The following RFX3 variants were observed in gnomAD, a reference collection of about 807,000 sequenced individuals.
The protein encoded by RFX3 is regulatory factor X3.
A neutral mutation model predicts 98.6 loss-of-function variants in RFX3; 14 were observed. That is an observed-to-expected ratio of 0.14 (90% CI 0.09 to 0.22). The LOEUF (loss-of-function observed/expected upper bound fraction) is 0.22, where lower values mean the gene tolerates loss of function less well. RFX3 is among the 10% of genes least tolerant of loss of function. The pLI, the probability that RFX3 is intolerant of heterozygous loss-of-function variation, is 1.00. For missense variants in RFX3, 639 were observed against 926.9 expected, an observed-to-expected ratio of 0.69 and a Z score of 4.03; for synonymous variants, 383 against 328.4, an observed-to-expected ratio of 1.17 and a Z score of -1.80.
At chr9:3,467,957 G>T (rs1848462316) in intron 1 of RFX3, among the ~76,000 whole-genome samples, 1 of 152,230 alleles carries the variant, frequency 6.6e-6, no homozygotes, top group African/African-American at 2.4e-5. Flanking sequence ...TTCTGGGTAT[G>T]TGTCATGGGA....
intron 2 of RFX3, among the ~76,000 whole-genome samples, chr9:3,355,162 A>G (rs1448274031): frequency 6.6e-6 from 1 of 151,936 alleles, no homozygotes; most frequent in African/African-American, 2.4e-5. Flanking sequence ...AATAAAGGAA[A>G]TAAAAGAACA....
At chr9:3,267,086 T>C (rs1257638983) in intron 11 of RFX3, among the ~76,000 whole-genome samples, 2 of 151,996 alleles carry the variant, frequency 1.3e-5, no homozygotes, top group African/African-American at 4.8e-5. Context: ...ACTATGACTA[T>C]TTTATAAGAA....
At chr9:3,419,601 C>T (rs904898230) in intron 1 of RFX3, among the ~76,000 whole-genome samples, 3 of 152,080 alleles carry the variant, frequency 2.0e-5, no homozygotes, top group Admixed American at 2.0e-4. Flanking sequence ...GAACTAAGTG[C>T]ATGATTAAAT....
intron 2 of RFX3, among the ~76,000 whole-genome samples, chr9:3,352,164 C>G (rs552387186): frequency 6.6e-6 from 1 of 151,750 alleles, no homozygotes. Flanking sequence ...TGTTGTGGAA[C>G]AATACTTATT....
At chr9:3,426,183 T>C (rs914606877) in intron 1 of RFX3, among the ~76,000 whole-genome samples, 15 of 152,162 alleles carry the variant, frequency 9.9e-5, no homozygotes, top group African/African-American at 3.6e-4. Flanking sequence ...ACTGAAAAAT[T>C]CAGTCATAAT....
At position 3,277,518 on chromosome 9, in the gene RFX3, A is replaced by G. The variant is rs1045673376; in HGVS notation, c.852-57T>C. The G allele has an allele frequency of 4.6e-5, 66 of 1,435,086 alleles. No homozygotes were observed. The South Asian group carries it at 7.3e-4, about 16-fold the overall frequency. 88.9% of individuals were successfully genotyped at this position (1,435,086 alleles called of 1,614,324 possible). A position where few individuals can be genotyped will look rare whatever the true frequency, so the allele number is the denominator to read the frequency against. ...ACCAAATTATTCCTTGCTTTTTTGT[A>G]CTACCCGAAACTCCCAAAGCATTCA... On this transcript the variant is annotated intron_variant, in intron 7 of 16. Transcript: ENST00000617270.
At chr9:3,418,387 G>GT (rs568542750) in intron 1 of RFX3, among the ~76,000 whole-genome samples, 378 of 150,296 alleles carry the variant, frequency 2.5e-3, no homozygotes, top group Middle Eastern at 3.4e-3. Flanking sequence ...TTTTGTTTTT[G>GT]TTTTTTTTTG....
Position 3,427,371 on chromosome 9 carries a change from TG to T in RFX3, c.-8-31776del, listed in dbSNP as rs562755667. On this transcript the variant is annotated intron_variant, in intron 1 of 16. Coordinates refer to ENST00000617270, the MANE Select transcript of RFX3 (RefSeq NM_001282116.2). ...CATAATACTATATATAAATATATATTGTTATTATATAATAATACAATATATA... is the reference window on the plus strand; with the variant it reads ...CATAATACTATATATAAATATATATTTTATTATATAATAATACAATATATA... Among the ~76,000 whole-genome samples the T allele has an allele frequency of 3.6e-3, 500 of 139,300 alleles. 7 individuals are homozygous for T. Among genetic ancestry groups the T allele is most frequent in the African/African-American group, 0.013 (471 of 36,058 alleles). 91.4% of individuals were successfully genotyped at this position (139,300 alleles called of 152,430 possible). A position where few individuals can be genotyped will look rare whatever the true frequency, so the allele number is the denominator to read the frequency against.
intron 15 of RFX3, among the ~76,000 whole-genome samples, chr9:3,240,621 G>C (rs1284688068): frequency 1.3e-5 from 2 of 152,134 alleles, no homozygotes; most frequent in African/African-American, 4.8e-5. Flanking sequence ...TTCTTGCAGA[G>C]AATCTCTAAT....
At chr9:3,252,910 T>C (rs535554355) in intron 14 of RFX3, among the ~76,000 whole-genome samples, 29 of 152,358 alleles carry the variant, frequency 1.9e-4, no homozygotes, top group African/African-American at 4.6e-4. Context: ...TTGAATTGTA[T>C]CATTAACGCT....
chr9:3,495,174 G>C (rs1269909159), intron 1 of RFX3, among the ~76,000 whole-genome samples: 1 of 150,998 alleles, frequency 6.6e-6, no homozygotes, highest in South Asian at 2.1e-4. Context: ...AGAATATCAA[G>C]GAAAAAAAGA....
intron 7 of RFX3, among the ~76,000 whole-genome samples, chr9:3,286,953 T>A (rs1826686181): frequency 6.6e-6 from 1 of 151,898 alleles, no homozygotes; most frequent in African/African-American, 2.4e-5. Context: ...CAATCTCCCT[T>A]TCTCCCAGAT....
intron 1 of RFX3, among the ~76,000 whole-genome samples, chr9:3,395,848 T>C (rs3739461): frequency 0.34 from 51,919 of 151,984 alleles, 10,837 homozygotes; most frequent in East Asian, 0.61. Flanking sequence ...TTAAATTTCA[T>C]TGAAAGCTAC....
chr9:3,235,420 C>G (rs1233537657), intron 15 of RFX3, among the ~76,000 whole-genome samples: 1 of 152,214 alleles, frequency 6.6e-6, no homozygotes, highest in African/African-American at 2.4e-5. Flanking sequence ...GAGCAATATT[C>G]ATTCAGAGGA....
chr9:3,358,011 C>G (rs1835975916), intron 2 of RFX3, among the ~76,000 whole-genome samples: 1 of 151,966 alleles, frequency 6.6e-6, no homozygotes, highest in Non-Finnish European at 1.5e-5. Flanking sequence ...AATTCAGATT[C>G]TCAACTGGTT....
At chr9:3,398,707 G>C (rs1841154748) in intron 1 of RFX3, among the ~76,000 whole-genome samples, 1 of 151,972 alleles carries the variant, frequency 6.6e-6, no homozygotes, top group South Asian at 2.1e-4. Context: ...ATGTTCCAGA[G>C]TCTAACTTGT....
chr9:3,369,964 G>C (rs949153021), intron 2 of RFX3, among the ~76,000 whole-genome samples: 3 of 150,400 alleles, frequency 2.0e-5, no homozygotes, highest in African/African-American at 7.3e-5. Flanking sequence ...GAGTAGCTGG[G>C]ACTACAGGCG....
At chr9:3,352,829 A>ATT (rs1835307054) in intron 2 of RFX3, among the ~76,000 whole-genome samples, 2 of 152,104 alleles carry the variant, frequency 1.3e-5, no homozygotes, top group Non-Finnish European at 2.9e-5. Context: ...GAACAGAGAA[A>ATT]CTAGGACAGA....
chr9:3,518,250 A>T (rs1287534163), intron 1 of RFX3, among the ~76,000 whole-genome samples: 1 of 152,206 alleles, frequency 6.6e-6, no homozygotes, highest in African/African-American at 2.4e-5. Context: ...GTAATGTATG[A>T]CTGCATAACC....
Sources: allele counts gnomAD v4.1 joint callset (sites outside exome capture counted in the v4.1 genomes callset), GRCh38; gene constraint gnomAD v4.1.1; transcripts MANE v1.5; gene names NCBI Gene and HGNC (gene_info 2026-07-23, HGNC 2026-07-21).